CDH4: variants seen among roughly 807,000 people sequenced by gnomAD.
The protein encoded by CDH4 is cadherin 4.
In CDH4, 33 loss-of-function variants were observed where a neutral mutation model predicts 86.0. The observed-to-expected ratio is 0.38, with a 90% CI of 0.29 to 0.51. The LOEUF (loss-of-function observed/expected upper bound fraction) is 0.51. Among genes scored for constraint, CDH4 ranks in the 20% least tolerant of loss-of-function variants. The pLI, the probability that CDH4 is intolerant of heterozygous loss-of-function variation, is 0.86. For missense variants in CDH4, 1,114 were observed against 1,307.4 expected, an observed-to-expected ratio of 0.85 and a Z score of 2.28; for synonymous variants, 555 against 549.4, an observed-to-expected ratio of 1.01 and a Z score of -0.14.
At chr20:61,800,038 G>A (rs932802687) in intron 4 of CDH4, among the ~76,000 whole-genome samples, 9 of 152,176 alleles carry the variant, frequency 5.9e-5, no homozygotes, top group African/African-American at 1.2e-4. Flanking sequence ...TCACCGGGCC[G>A]GCTTCCCCGC....
At chr20:61,547,678 A>G (rs370161788) in intron 2 of CDH4, among the ~76,000 whole-genome samples, 2 of 152,096 alleles carry the variant, frequency 1.3e-5, no homozygotes, top group East Asian at 1.9e-4. Context: ...TGAAGTCAGA[A>G]TGTTCCCGAG....
chr20:61,737,911 A>G (rs1336504780), intron 2 of CDH4, among the ~76,000 whole-genome samples: 1 of 152,222 alleles, frequency 6.6e-6, no homozygotes, highest in Non-Finnish European at 1.5e-5. Context: ...TTTGCACCCC[A>G]AGACCAGGGT....
At chr20:61,321,213 T>C (rs1190101375) in intron 2 of CDH4, among the ~76,000 whole-genome samples, 1 of 152,196 alleles carries the variant, frequency 6.6e-6, no homozygotes, top group African/African-American at 2.4e-5. Flanking sequence ...CTCTGGCGTT[T>C]ATTTAACTCT....
chr20:61,318,758 G>C lies in CDH4; in HGVS notation c.169+63821G>C, dbSNP rs781635368. ...TGTTATTAATTACTACCACTTGTTTGGCACAGAGAGAGTAATCCCTGGATA... is the reference window on the plus strand; with the variant it reads ...TGTTATTAATTACTACCACTTGTTTCGCACAGAGAGAGTAATCCCTGGATA... On this transcript the variant is annotated intron_variant, in intron 2 of 15. Transcript: ENST00000614565. Among the ~76,000 whole-genome samples the C allele has an allele frequency of 2.1e-4, 32 of 152,350 alleles. 1 individual carries two copies. Among genetic ancestry groups the C allele is most frequent in the Non-Finnish European group, 4.0e-4 (27 of 68,034 alleles).
intron 2 of CDH4, among the ~76,000 whole-genome samples, chr20:61,655,646 T>A (rs2087179267): frequency 6.6e-6 from 1 of 152,220 alleles, no homozygotes; most frequent in South Asian, 2.1e-4. Flanking sequence ...GCTTTTGTTG[T>A]TAGGTTGTCA....
chr20:61,817,384 G>A (rs757563480), intron 4 of CDH4, among the ~76,000 whole-genome samples: 10 of 152,268 alleles, frequency 6.6e-5, no homozygotes, highest in South Asian at 4.1e-4. Context: ...ACCCAGATCC[G>A]AGCTCTGCCT....
rs992480546 is a variant in CDH4, at chr20:61,807,917, G to A, written c.576+34735G>A. ...GCCTGGCGGGATGCAGGCACAGCGC[G>A]ATCCAGCACAGTGCTGGGTGGTCTG... On this transcript the variant is annotated intron_variant, in intron 4 of 15. Transcript: ENST00000614565. This position sits in a 1 kb window ranked among gnomAD's most constrained non-coding sequence, Gnocchi z 4.5. Among the ~76,000 whole-genome samples the A allele has an allele frequency of 3.3e-5, 5 of 152,194 alleles. No individual in the cohort carries two copies. The highest frequency in any genetic ancestry group is 7.2e-5 in the African/African-American group (3 of 41,456).
At chr20:61,814,128 C>T (rs1002747239) in intron 4 of CDH4, among the ~76,000 whole-genome samples, 4 of 152,208 alleles carry the variant, frequency 2.6e-5, no homozygotes, top group African/African-American at 7.2e-5. Flanking sequence ...TCCCCACCTT[C>T]CTGCTGAGTA....
At position 61,544,254 on chromosome 20, in the gene CDH4, G is replaced by C. The variant is rs574740962; in HGVS notation, c.170-199309G>C. ...GACCACAGTTGTGTATGTATATGGC[G>C]GGGTACGGCTGACATCGAGCGGGTG... On this transcript the variant is annotated intron_variant, in intron 2 of 15. Coordinates refer to ENST00000614565, the MANE Select transcript of CDH4 (RefSeq NM_001794.5). The surrounding 1 kb of genome is among the most constrained non-coding windows in gnomAD (Gnocchi z 6.5). Among the ~76,000 whole-genome samples, 1 of 152,236 alleles carries C rather than the reference G, an allele frequency of 6.6e-6. No homozygotes were observed. Among genetic ancestry groups the C allele is most frequent in the East Asian group, 1.9e-4 (1 of 5,152 alleles).
chr20:61,362,954 T>C (rs2084792422), intron 2 of CDH4, among the ~76,000 whole-genome samples: 1 of 152,224 alleles, frequency 6.6e-6, no homozygotes, highest in South Asian at 2.1e-4. Flanking sequence ...GTGCCACCTG[T>C]GTCCTGTGCC....
At chr20:61,925,858 G>A (rs767357494) in intron 11 of CDH4, among the ~76,000 whole-genome samples, 19 of 152,054 alleles carry the variant, frequency 1.2e-4, no homozygotes, top group Non-Finnish European at 1.9e-4. Context: ...GGGAGGGCAC[G>A]GGCACACGTC....
chr20:61,365,808 C>T (rs1338095599), intron 2 of CDH4, among the ~76,000 whole-genome samples: 1 of 152,126 alleles, frequency 6.6e-6, no homozygotes, highest in African/African-American at 2.4e-5. Flanking sequence ...TGAGAACGCT[C>T]AGATCAACAA....
intron 2 of CDH4, among the ~76,000 whole-genome samples, chr20:61,489,654 G>A (rs1482335096): frequency 2.0e-5 from 3 of 152,250 alleles, no homozygotes; most frequent in East Asian, 1.9e-4. Context: ...CAGTCCTGAC[G>A]TTAATAACTT....
chr20:61,875,078 G>A (rs1983962454), intron 7 of CDH4, among the ~76,000 whole-genome samples: 1 of 152,216 alleles, frequency 6.6e-6, no homozygotes, highest in African/African-American at 2.4e-5. Context: ...GACTGGCAAG[G>A]AAGTGGCAGG....
At position 61,708,523 on chromosome 20, in the gene CDH4, G is replaced by A. The variant is rs2087856887; in HGVS notation, c.170-35040G>A. Among the ~76,000 whole-genome samples, 1 of 152,154 alleles carries A rather than the reference G, an allele frequency of 6.6e-6. No individual in the cohort carries two copies. The highest frequency in any genetic ancestry group is 1.5e-5 in the Non-Finnish European group (1 of 68,036). On this transcript the variant is annotated intron_variant, in intron 2 of 15. Coordinates refer to ENST00000614565, the MANE Select transcript of CDH4 (RefSeq NM_001794.5). The surrounding 1 kb of genome is among the most constrained non-coding windows in gnomAD (Gnocchi z 4.5). Reference sequence around the variant, plus strand: ...TCCCAGTTTGACACCCGGCCACACAGCCCTGACTCGTAGCCGGTGGCTGCA... The same window carrying A: ...TCCCAGTTTGACACCCGGCCACACAACCCTGACTCGTAGCCGGTGGCTGCA...
At chr20:61,929,948 T>A (rs953262311) in intron 13 of CDH4, 106 bp downstream of exon 13, 24 of 812,070 alleles carry the variant, frequency 3.0e-5, no homozygotes, top group Non-Finnish European at 4.5e-5. Context: ...TCAGCCCTCA[T>A]CTCTCAGCCT....
intron 2 of CDH4, among the ~76,000 whole-genome samples, chr20:61,531,091 A>G (rs970383218): frequency 1.4e-5 from 2 of 141,504 alleles, no homozygotes; most frequent in African/African-American, 5.3e-5. Context: ...GTACACAGGC[A>G]CCAGAGGGAG....
intron 2 of CDH4, among the ~76,000 whole-genome samples, chr20:61,656,289 G>T (rs1251433888): frequency 2.5e-5 from 3 of 118,998 alleles, no homozygotes; most frequent in African/African-American, 3.6e-5. Context: ...GGGCAGGCGC[G>T]TGCTGGGGTG....
At chr20:61,876,532 CG>C (rs1284056006) in intron 7 of CDH4, among the ~76,000 whole-genome samples, 1 of 152,128 alleles carries the variant, frequency 6.6e-6, no homozygotes, top group African/African-American at 2.4e-5. Context: ...TGCAGGCGTG[CG>C]GAGGGTTCTA....
Sources: allele counts gnomAD v4.1 joint callset (sites outside exome capture counted in the v4.1 genomes callset), GRCh38; gene constraint gnomAD v4.1.1; non-coding constraint Gnocchi (gnomAD v3.1); transcripts MANE v1.5; gene names NCBI Gene and HGNC (gene_info 2026-07-23, HGNC 2026-07-21).